Variants in ARHGEF28 observed in about 807,000 individuals in gnomAD.
The protein encoded by ARHGEF28 is 190 kDa guanine nucleotide exchange factor.
Under a neutral mutation model 206.6 loss-of-function variants are expected in ARHGEF28, and 152 were observed. The ratio of observed to expected loss-of-function variants is 0.74; its 90% CI spans 0.64 to 0.84. The LOEUF is 0.84. Among genes scored for constraint, ARHGEF28 ranks in the 40% least tolerant of loss-of-function variants. ARHGEF28 has a pLI of 0.00. For synonymous variants in ARHGEF28, 763 were observed against 776.4 expected (o/e 0.98, Z 0.29); for missense variants, 2,028 against 2,073.2 (o/e 0.98, Z 0.42).
Position 73,659,676 on chromosome 5 carries a change from G to A in ARHGEF28, c.-11-25165G>A, listed in dbSNP as rs116614115. 7.9e-3 allele frequency among the ~76,000 whole-genome samples: 1,198 copies of A among 152,222 alleles called. 7 individuals carry two copies. The highest frequency in any genetic ancestry group is 0.012 in the Non-Finnish European group (820 of 68,010). On this transcript the variant is annotated intron_variant, in intron 1 of 35. Transcript: ENST00000513042. ...TGACCTTATACAGGCATATCTTGAA[G>A]ATATTACAATTTCAGTTCCACATCA...
intron 12 of ARHGEF28, among the ~76,000 whole-genome samples, chr5:73,847,454 C>T (rs1050727550): frequency 1.3e-5 from 2 of 152,150 alleles, no homozygotes; most frequent in Admixed American, 6.5e-5. Context: ...AGCACAGATC[C>T]TGTATCCTTT....
chr5:73,783,567 G>A (rs1468490043), intron 7 of ARHGEF28, among the ~76,000 whole-genome samples: 1 of 152,090 alleles, frequency 6.6e-6, no homozygotes, highest in East Asian at 1.9e-4. Flanking sequence ...AGTGGAAGAT[G>A]GGGACCAGCC....
chr5:73,836,967 T>G (rs1757684160), intron 10 of ARHGEF28, among the ~76,000 whole-genome samples: 1 of 152,180 alleles, frequency 6.6e-6, no homozygotes. Flanking sequence ...ATTAATTGAC[T>G]GTATTTATGT....
At chr5:73,737,677 G>A (rs535612192) in intron 2 of ARHGEF28, among the ~76,000 whole-genome samples, 1 of 151,702 alleles carries the variant, frequency 6.6e-6, no homozygotes. Flanking sequence ...ACCACGTCCA[G>A]CTAATTTTTT....
At chr5:73,829,383 CCTT>C (rs1461035569) in intron 9 of ARHGEF28, among the ~76,000 whole-genome samples, 1 of 151,874 alleles carries the variant, frequency 6.6e-6, no homozygotes, top group Non-Finnish European at 1.5e-5. Flanking sequence ...CATATAATTC[CCTT>C]CTTCTTTTTT....
chr5:73,902,732 C>T (rs572502113), intron 31 of ARHGEF28: 4 of 152,322 alleles, frequency 2.6e-5, no homozygotes, highest in Admixed American at 6.5e-5. Context: ...CAGTTTTAAA[C>T]ATTTACCACA....
At chr5:73,875,912 TG>T (rs1476085115) in intron 22 of ARHGEF28, among the ~76,000 whole-genome samples, 1 of 152,172 alleles carries the variant, frequency 6.6e-6, no homozygotes, top group Non-Finnish European at 1.5e-5. Context: ...GGCTCTTTTT[TG>T]GTTCCATATG....
chr5:73,916,496 G>T (rs1433990092), intron 35 of ARHGEF28, among the ~76,000 whole-genome samples: 1 of 152,172 alleles, frequency 6.6e-6, no homozygotes, highest in Non-Finnish European at 1.5e-5. Context: ...TTCTTCCGAG[G>T]CCTCTCTCCT....
chr5:73,755,014 C>G (rs1752224636), intron 4 of ARHGEF28, among the ~76,000 whole-genome samples: 1 of 151,750 alleles, frequency 6.6e-6, no homozygotes, highest in African/African-American at 2.4e-5. Context: ...TTATAGGCAC[C>G]TGGCTCAACA....
chr5:73,913,034 T>C (rs1289124207), intron 35 of ARHGEF28, among the ~76,000 whole-genome samples: 1 of 152,250 alleles, frequency 6.6e-6, no homozygotes, highest in Admixed American at 6.5e-5. Context: ...TAAAACTTTT[T>C]AAACCATTTG....
chr5:73,912,426 A>G (rs1384736665), intron 35 of ARHGEF28, among the ~76,000 whole-genome samples: 1 of 152,222 alleles, frequency 6.6e-6, no homozygotes, highest in East Asian at 1.9e-4. Flanking sequence ...TCTATGCTTA[A>G]TATATATTCT....
chr5:73,677,792 A>G (rs1293977255), intron 1 of ARHGEF28, among the ~76,000 whole-genome samples: 1 of 152,218 alleles, frequency 6.6e-6, no homozygotes, highest in Non-Finnish European at 1.5e-5. Flanking sequence ...CTGCCAGCAA[A>G]TGTTTGGAAA....
chr5:73,723,573 A>G (rs192483797), intron 2 of ARHGEF28, among the ~76,000 whole-genome samples: 239 of 152,340 alleles, frequency 1.6e-3, no homozygotes, highest in African/African-American at 5.5e-3. Context: ...TTAATTTTCA[A>G]CAAAGATCAG....
intron 4 of ARHGEF28, among the ~76,000 whole-genome samples, chr5:73,762,301 C>T (rs1167844818): frequency 6.6e-6 from 1 of 151,462 alleles, no homozygotes; most frequent in African/African-American, 2.4e-5. Flanking sequence ...ACTAAAAATA[C>T]AAAAATTAGC....
chr5:73,767,227 A>C (rs1027468901), intron 4 of ARHGEF28, among the ~76,000 whole-genome samples: 1 of 152,114 alleles, frequency 6.6e-6, no homozygotes, highest in African/African-American at 2.4e-5. Context: ...GCAGCATGAA[A>C]ATGGATTAAT....
chr5:73,923,586 A>G (rs1763641601), intron 35 of ARHGEF28, among the ~76,000 whole-genome samples: 1 of 152,212 alleles, frequency 6.6e-6, no homozygotes, highest in Non-Finnish European at 1.5e-5. Flanking sequence ...TATATTTGTC[A>G]GGTTCAATCT....
intron 2 of ARHGEF28, among the ~76,000 whole-genome samples, chr5:73,700,903 A>G (rs1185308365): frequency 2.0e-5 from 3 of 152,240 alleles, no homozygotes; most frequent in African/African-American, 7.2e-5. Flanking sequence ...TTGAGACAAG[A>G]ATATCCCAAG....
chr5:73,773,214 C>T (rs762068333), intron 4 of ARHGEF28, among the ~76,000 whole-genome samples: 4 of 152,184 alleles, frequency 2.6e-5, no homozygotes, highest in Admixed American at 6.5e-5. Flanking sequence ...CTGATGCACA[C>T]GGACCGACCA....
chr5:73,666,141 A>G (rs1441132997), intron 1 of ARHGEF28, among the ~76,000 whole-genome samples: 2 of 152,192 alleles, frequency 1.3e-5, no homozygotes, highest in East Asian at 1.9e-4. Context: ...AGAAGGCAAG[A>G]AAAAAAGGGG....
Sources: gnomAD v4.1 joint callset for allele counts (sites outside exome capture counted in the v4.1 genomes callset) on GRCh38, gnomAD v4.1.1 for gene constraint, MANE v1.5 for transcripts, NCBI Gene and HGNC (gene_info 2026-07-23, HGNC 2026-07-21) for gene names.